Variants in SLC2A9 observed in about 807,000 individuals in gnomAD.
SLC2A9 encodes solute carrier family 2, facilitated glucose transporter member 9.
In SLC2A9, 39 loss-of-function variants were observed where a neutral mutation model predicts 50.6. The observed-to-expected ratio is 0.77, with a 90% CI of 0.60 to 1.01. The LOEUF is 1.01. SLC2A9 is among the 50% of genes least tolerant of loss of function. The pLI is 0.00. For missense variants in SLC2A9, 686 were observed against 677.6 expected (o/e 1.01, Z -0.14); for synonymous variants, 324 against 276.9 (o/e 1.17, Z -1.69).
intron 5 of SLC2A9, among the ~76,000 whole-genome samples, chr4:9,963,568 G>T (rs558259003): frequency 1.3e-5 from 2 of 152,332 alleles, no homozygotes; most frequent in Admixed American, 1.3e-4. Flanking sequence ...CTGTGAGAGA[G>T]GAGTACTGTT....
chr4:9,771,904 G>A (rs1716875014), intron 1 of SLC2A9, among the ~76,000 whole-genome samples: 2 of 152,236 alleles, frequency 1.3e-5, no homozygotes, highest in South Asian at 4.1e-4. Context: ...ACTAGGCTGG[G>A]AGAAGAGGAC....
intron 10 of SLC2A9, among the ~76,000 whole-genome samples, chr4:9,840,838 G>T (rs1047396729): frequency 6.6e-6 from 1 of 152,178 alleles, no homozygotes; most frequent in Non-Finnish European, 1.5e-5. Context: ...GTTCCAAATG[G>T]CTGCGGAGGC....
intron 2 of SLC2A9, among the ~76,000 whole-genome samples, chr4:10,015,517 G>A (rs1762474797): frequency 6.6e-6 from 1 of 152,170 alleles, no homozygotes; most frequent in African/African-American, 2.4e-5. Context: ...TGACATTTTT[G>A]TTGCAAGGAT....
chr4:9,845,464 C>G (rs1728827410), intron 10 of SLC2A9, among the ~76,000 whole-genome samples: 1 of 101,048 alleles, frequency 9.9e-6, no homozygotes, highest in Non-Finnish European at 1.9e-5. Context: ...GAGTCTCGCT[C>G]TGTCGCCCAG....
At chr4:9,797,868 C>T (rs999202527), downstream of SLC2A9, among the ~76,000 whole-genome samples, 3 of 152,124 alleles carry the variant, frequency 2.0e-5, no homozygotes, top group African/African-American at 7.2e-5. Flanking sequence ...GATCCTACAA[C>T]CTTGATGTAT....
intron 10 of SLC2A9, chr4:9,880,439 T>C (rs536120945): frequency 5.6e-5 from 55 of 985,232 alleles, no homozygotes; most frequent in Non-Finnish European, 6.5e-5. Context: ...GAGCCCAGCA[T>C]TTAAAGCCCT....
intron 4 of SLC2A9, among the ~76,000 whole-genome samples, chr4:9,982,038 C>T (rs1444745747): frequency 1.3e-5 from 2 of 152,108 alleles, no homozygotes; most frequent in East Asian, 1.9e-4. Flanking sequence ...TGCGCCACCA[C>T]GCCCAGCTAA....
intron 5 of SLC2A9, among the ~76,000 whole-genome samples, chr4:9,979,670 G>A (rs882222): frequency 0.42 from 64,279 of 151,492 alleles, 14,829 homozygotes; most frequent in Non-Finnish European, 0.52. Flanking sequence ...TACACCCACC[G>A]CCTCCACCCC....
chr4:9,990,704 T>A (rs1757551921), intron 3 of SLC2A9, among the ~76,000 whole-genome samples: 1 of 152,196 alleles, frequency 6.6e-6, no homozygotes, highest in African/African-American at 2.4e-5. Flanking sequence ...TTGTTTTGGA[T>A]GTGTTGACTC....
intron 6 of SLC2A9, among the ~76,000 whole-genome samples, chr4:9,932,603 A>T (rs1214112080): frequency 6.6e-6 from 1 of 152,238 alleles, no homozygotes; most frequent in Non-Finnish European, 1.5e-5. Context: ...ACCTAAAGGA[A>T]GTGAGGGAGG....
chr4:9,888,077 G>A (rs1044421365), intron 9 of SLC2A9, among the ~76,000 whole-genome samples: 16 of 148,656 alleles, frequency 1.1e-4, no homozygotes, highest in African/African-American at 3.8e-4. Flanking sequence ...GAGAACACAT[G>A]GACACAGGGA....
At chr4:9,912,652 C>G (rs949323975) in intron 7 of SLC2A9, among the ~76,000 whole-genome samples, 1 of 152,188 alleles carries the variant, frequency 6.6e-6, no homozygotes, top group African/African-American at 2.4e-5. Flanking sequence ...ATCCCATTTA[C>G]TTTTGCCTAG....
chr4:9,773,586 A>C (rs1268056750), intron 1 of SLC2A9, among the ~76,000 whole-genome samples: 1 of 152,248 alleles, frequency 6.6e-6, no homozygotes, highest in African/African-American at 2.4e-5. Context: ...TCCTCTTAGC[A>C]CAATTTTGCA....
intron 10 of SLC2A9, among the ~76,000 whole-genome samples, chr4:9,885,266 G>T (rs1735985423): frequency 6.6e-6 from 1 of 152,052 alleles, no homozygotes; most frequent in South Asian, 2.1e-4. Flanking sequence ...CCTCCAGCTT[G>T]GCATACAACA....
At chr4:9,931,536 C>T (rs930347091) in intron 6 of SLC2A9, among the ~76,000 whole-genome samples, 23 of 152,082 alleles carry the variant, frequency 1.5e-4, no homozygotes, top group Non-Finnish European at 2.6e-4. Flanking sequence ...CAGAAACAGC[C>T]CTTCAAGGCG....
chr4:9,937,452 T>C (rs1308036162), intron 6 of SLC2A9, among the ~76,000 whole-genome samples: 1 of 152,126 alleles, frequency 6.6e-6, no homozygotes, highest in Non-Finnish European at 1.5e-5. Context: ...ATGAGAAGAC[T>C]CTCAGAGGCC....
intron 11 of SLC2A9, 123 bp downstream of exon 11, chr4:9,834,758 T>G: frequency 6.8e-7 from 1 of 1,467,292 alleles, no homozygotes; most frequent in South Asian, 1.2e-5. Flanking sequence ...CTTCCTTCCT[T>G]AGGAAAATAG....
At chr4:9,901,103 T>C (rs984575701) in intron 8 of SLC2A9, among the ~76,000 whole-genome samples, 9 of 152,216 alleles carry the variant, frequency 5.9e-5, no homozygotes, top group African/African-American at 2.2e-4. Flanking sequence ...AGTTTTAACT[T>C]CTCAGATCTG....
intron 2 of SLC2A9, among the ~76,000 whole-genome samples, chr4:10,010,059 G>GA (rs1761502316): frequency 6.6e-6 from 1 of 152,332 alleles, no homozygotes; most frequent in East Asian, 1.9e-4. Context: ...GGCCATGCAA[G>GA]AAAGACCAGC....
Sources: allele counts gnomAD v4.1 joint callset (sites outside exome capture counted in the v4.1 genomes callset), GRCh38; gene constraint gnomAD v4.1.1; transcripts MANE v1.5; gene names NCBI Gene and HGNC (gene_info 2026-07-23, HGNC 2026-07-21).